Variants in SUPT3H observed in about 807,000 individuals in gnomAD.
SUPT3H encodes transcription initiation protein SPT3 homolog.
SUPT3H carries 44 observed loss-of-function variants against 44.3 expected under a neutral mutation model. The ratio of observed to expected loss-of-function variants is 0.99; its 90% CI spans 0.78 to 1.28. The LOEUF is 1.28. Among genes scored for constraint, SUPT3H ranks in the 50% most tolerant of loss-of-function variants. The pLI, the probability that SUPT3H is intolerant of heterozygous loss-of-function variation, is 0.00. For missense variants in SUPT3H, 380 were observed against 387.1 expected, an observed-to-expected ratio of 0.98 and a Z score of 0.15; for synonymous variants, 124 against 125.6, an observed-to-expected ratio of 0.99 and a Z score of 0.09.
At chr6:45,222,442 G>A (rs1192484829) in intron 2 of SUPT3H, among the ~76,000 whole-genome samples, 1 of 152,086 alleles carries the variant, frequency 6.6e-6, no homozygotes, top group African/African-American at 2.4e-5. Context: ...ACAAAATGGT[G>A]TTCAACATAT....
intron 10 of SUPT3H, among the ~76,000 whole-genome samples, chr6:44,907,732 G>T (rs1766340302): frequency 6.6e-6 from 1 of 152,100 alleles, no homozygotes; most frequent in African/African-American, 2.4e-5. Flanking sequence ...GTTGTTACAG[G>T]CATTATTGTT....
chr6:45,245,799 C>G (rs1470818188), intron 2 of SUPT3H, among the ~76,000 whole-genome samples: 2 of 152,134 alleles, frequency 1.3e-5, no homozygotes, highest in East Asian at 3.9e-4. Context: ...GGGTATATAA[C>G]CAGAAATACA....
rs540527727 is a variant in SUPT3H at position 44,930,963 on chromosome 6, A to G, written c.912+1690T>C. Among the ~76,000 whole-genome samples the G allele has an allele frequency of 3.3e-5, 5 of 152,342 alleles. No individual in the cohort carries two copies. In the South Asian group the frequency reaches 8.3e-4, roughly 25 times the overall value. ...TCTTAGATTGTAAAAGTAGTAATACATAAGTACCAGGTTGGACATGGGGGA... is the reference window on the plus strand; with the variant it reads ...TCTTAGATTGTAAAAGTAGTAATACGTAAGTACCAGGTTGGACATGGGGGA... On this transcript the variant is annotated intron_variant, in intron 10 of 10. Transcript: ENST00000371459.
At chr6:45,355,459 G>C (rs761843519) in intron 2 of SUPT3H, among the ~76,000 whole-genome samples, 6 of 151,858 alleles carry the variant, frequency 4.0e-5, no homozygotes, top group Non-Finnish European at 8.8e-5. Context: ...GTTTTTCATT[G>C]GGGGTGGGGG....
intron 2 of SUPT3H, among the ~76,000 whole-genome samples, chr6:45,220,040 C>CAAAAAAAAAAAA (rs67960187): frequency 3.0e-5 from 1 of 33,010 alleles, no homozygotes; most frequent in African/African-American, 1.4e-4. Context: ...GACTCTGTCT[C>CAAAAAAAAAAAA]AAAAAAAAAA....
intron 6 of SUPT3H, among the ~76,000 whole-genome samples, chr6:44,968,138 C>A (rs551662086): frequency 3.9e-5 from 6 of 152,118 alleles, no homozygotes; most frequent in African/African-American, 1.4e-4. Context: ...AAAAGTCTTA[C>A]AATTGAAATG....
intron 6 of SUPT3H, among the ~76,000 whole-genome samples, chr6:44,989,180 C>A (rs1378216108): frequency 6.6e-6 from 1 of 151,978 alleles, no homozygotes; most frequent in Non-Finnish European, 1.5e-5. Flanking sequence ...TCCAGGCCAC[C>A]AAAATAACCC....
intron 10 of SUPT3H, among the ~76,000 whole-genome samples, chr6:44,898,447 C>T (rs1764440154): frequency 6.6e-6 from 1 of 152,194 alleles, no homozygotes; most frequent in Non-Finnish European, 1.5e-5. Context: ...CCTAGCATTA[C>T]TCTATCAGCT....
At chr6:45,284,658 CAG>C (rs1459541985) in intron 2 of SUPT3H, among the ~76,000 whole-genome samples, 2 of 152,182 alleles carry the variant, frequency 1.3e-5, no homozygotes, top group African/African-American at 4.8e-5. Context: ...CAAATTCTAC[CAG>C]AGTTACAAGG....
chr6:44,981,158 AT>A (rs1779042862), intron 6 of SUPT3H, among the ~76,000 whole-genome samples: 1 of 152,194 alleles, frequency 6.6e-6, no homozygotes, highest in African/African-American at 2.4e-5. Flanking sequence ...CTCAAACTTC[AT>A]CTTAGGGAGA....
intron 2 of SUPT3H, among the ~76,000 whole-genome samples, chr6:45,346,567 C>G (rs1024893675): frequency 1.4e-5 from 2 of 140,430 alleles, no homozygotes; most frequent in African/African-American, 5.3e-5. Context: ...ATAAACATTT[C>G]TTTTTTTTTT....
chr6:45,213,919 A>G (rs1007645931), intron 2 of SUPT3H, among the ~76,000 whole-genome samples: 6 of 151,678 alleles, frequency 4.0e-5, no homozygotes, highest in African/African-American at 1.4e-4. Context: ...AATTTCTAAA[A>G]TACATTAAAA....
At chr6:44,833,395 G>A (rs1769225970) in intron 10 of SUPT3H, among the ~76,000 whole-genome samples, 1 of 152,140 alleles carries the variant, frequency 6.6e-6, no homozygotes, top group Non-Finnish European at 1.5e-5. Flanking sequence ...TAAATAGACA[G>A]TCCCTGGCTT....
intron 2 of SUPT3H, among the ~76,000 whole-genome samples, chr6:45,290,862 T>C (rs1384099743): frequency 6.6e-6 from 1 of 152,100 alleles, no homozygotes; most frequent in African/African-American, 2.4e-5. Context: ...AAATGAGGAA[T>C]CTGAGGCCCA....
chr6:45,031,514 A>T (rs180742451), intron 3 of SUPT3H, among the ~76,000 whole-genome samples: 13 of 152,302 alleles, frequency 8.5e-5, no homozygotes, highest in Admixed American at 2.0e-4. Flanking sequence ...TTTCTCATGT[A>T]AAATTACCTC....
At chr6:45,144,017 G>C (rs1805645214) in intron 2 of SUPT3H, among the ~76,000 whole-genome samples, 1 of 151,946 alleles carries the variant, frequency 6.6e-6, no homozygotes. Flanking sequence ...ACTCTGAACA[G>C]ACAAATAACA....
At chr6:45,100,541 T>TAAAAAAAAAAAAAAAA (rs58120512) in intron 3 of SUPT3H, among the ~76,000 whole-genome samples, 3 of 33,452 alleles carry the variant, frequency 9.0e-5, no homozygotes, top group African/African-American at 3.5e-4. Context: ...ACCCTGTACT[T>TAAAAAAAAAAAAAAAA]AAAAAAAAAA....
At chr6:44,856,722 A>G (rs1371546293) in intron 10 of SUPT3H, among the ~76,000 whole-genome samples, 7 of 152,348 alleles carry the variant, frequency 4.6e-5, no homozygotes, top group African/African-American at 1.7e-4. Context: ...AGCTTGTTGT[A>G]AATTAAACAA....
intron 2 of SUPT3H, among the ~76,000 whole-genome samples, chr6:45,309,538 G>A (rs1208749095): frequency 6.6e-6 from 1 of 151,726 alleles, no homozygotes; most frequent in Admixed American, 6.6e-5. Flanking sequence ...TCGGTCATAG[G>A]AGTTCAAGAA....
Sources: gnomAD v4.1 joint callset for allele counts (sites outside exome capture counted in the v4.1 genomes callset) on GRCh38, gnomAD v4.1.1 for gene constraint, MANE v1.5 for transcripts, NCBI Gene and HGNC (gene_info 2026-07-23, HGNC 2026-07-21) for gene names.